The following ASIC2 variants were observed in gnomAD, a reference collection of about 807,000 sequenced individuals.
ASIC2 encodes acid-sensing ion channel 2.
A neutral mutation model predicts 57.3 loss-of-function variants in ASIC2; 25 were observed. The ratio of observed to expected loss-of-function variants is 0.44; its 90% CI spans 0.32 to 0.61. The LOEUF is 0.61. Ranked by LOEUF, ASIC2 falls within the 20% of genes least tolerant of loss-of-function variation. The pLI, the probability that ASIC2 is intolerant of heterozygous loss-of-function variation, is 0.06. For missense variants in ASIC2, 641 were observed against 738.1 expected (o/e 0.87, Z 1.52); for synonymous variants, 319 against 307.5 (o/e 1.04, Z -0.39).
chr17:34,062,087 C>T (rs1276651031), intron 1 of ASIC2, among the ~76,000 whole-genome samples: 3 of 152,146 alleles, frequency 2.0e-5, no homozygotes, highest in African/African-American at 7.2e-5. Context: ...TTCGACAGTG[C>T]ATGGAACTTT....
At chr17:33,799,404 T>TTC (rs1325452286) in intron 1 of ASIC2, among the ~76,000 whole-genome samples, 5 of 15,434 alleles carry the variant, frequency 3.2e-4, no homozygotes, top group Non-Finnish European at 7.6e-4. Flanking sequence ...CTTTCTTTCT[T>TTC]TTCTTTCTTT....
At chr17:33,805,937 C>G (rs899454499) in intron 1 of ASIC2, among the ~76,000 whole-genome samples, 1 of 152,218 alleles carries the variant, frequency 6.6e-6, no homozygotes, top group African/African-American at 2.4e-5. Flanking sequence ...TCCATATACA[C>G]ACACTTGCAC....
At chr17:33,872,565 C>T (rs1270086210) in intron 1 of ASIC2, among the ~76,000 whole-genome samples, 1 of 152,068 alleles carries the variant, frequency 6.6e-6, no homozygotes, top group Non-Finnish European at 1.5e-5. Flanking sequence ...CAGGGGCAGC[C>T]CTTGAGAAAA....
At chr17:33,242,145 C>T (rs565530172) in intron 1 of ASIC2, among the ~76,000 whole-genome samples, 2 of 151,952 alleles carry the variant, frequency 1.3e-5, no homozygotes, top group East Asian at 1.9e-4. Context: ...GGTGAAACCC[C>T]GTCTCTACTA....
intron 1 of ASIC2, among the ~76,000 whole-genome samples, chr17:33,547,711 T>C (rs1003388818): frequency 1.3e-5 from 2 of 152,168 alleles, no homozygotes; most frequent in East Asian, 1.9e-4. Flanking sequence ...TCCTAATTAA[T>C]TGTCCCTGGT....
At chr17:33,623,929 C>CAA (rs1293654773) in intron 1 of ASIC2, among the ~76,000 whole-genome samples, 2 of 152,180 alleles carry the variant, frequency 1.3e-5, no homozygotes, top group African/African-American at 4.8e-5. Flanking sequence ...TCTCTGGTGT[C>CAA]AGACGCAGAC....
intron 1 of ASIC2, among the ~76,000 whole-genome samples, chr17:34,028,402 A>G (rs1269578304): frequency 6.6e-6 from 1 of 152,146 alleles, no homozygotes; most frequent in East Asian, 1.9e-4. Flanking sequence ...GAGAACCTAT[A>G]TTGTCCTAGG....
At chr17:33,964,133 A>AT (rs1476284192) in intron 1 of ASIC2, among the ~76,000 whole-genome samples, 1 of 152,220 alleles carries the variant, frequency 6.6e-6, no homozygotes, top group African/African-American at 2.4e-5. Flanking sequence ...AGGCTTCAGA[A>AT]TCTGTCCCTG....
At chr17:33,839,118 T>C (rs1193955353) in intron 1 of ASIC2, among the ~76,000 whole-genome samples, 1 of 152,244 alleles carries the variant, frequency 6.6e-6, no homozygotes, top group Non-Finnish European at 1.5e-5. Context: ...GCCATCTGAC[T>C]AACTACATGC....
intron 1 of ASIC2, among the ~76,000 whole-genome samples, chr17:33,856,624 T>C (rs1913963142): frequency 1.5e-5 from 1 of 65,462 alleles, no homozygotes; most frequent in African/African-American, 3.8e-5. Flanking sequence ...GCAGGAATTG[T>C]TTCTACACCG....
intron 1 of ASIC2, among the ~76,000 whole-genome samples, chr17:33,888,827 A>C (rs925169203): frequency 7.2e-5 from 11 of 152,154 alleles, no homozygotes; most frequent in African/African-American, 2.4e-4. Flanking sequence ...TAAGGGTGGC[A>C]GGAGAAAAAC....
In ASIC2 at chr17:33,144,917, T is replaced by C. The variant is rs138844309; in HGVS notation, c.709-32850A>G. ...TGAGTCATTGCTCCTTCATTTTCATTGGCCTGGAAGCTCCATGACAATCAA... is the reference window on the plus strand; with the variant it reads ...TGAGTCATTGCTCCTTCATTTTCATCGGCCTGGAAGCTCCATGACAATCAA... On this transcript the variant is annotated intron_variant, in intron 1 of 9. Coordinates refer to ENST00000225823, the MANE Select transcript of ASIC2 (RefSeq NM_183377.2). Among the ~76,000 whole-genome samples the C allele has an allele frequency of 1.1e-3, 161 of 152,326 alleles. 1 individual carries two copies. The highest frequency in any genetic ancestry group is 3.6e-3 in the African/African-American group (150 of 41,590).
At chr17:33,206,686 A>G in intron 1 of ASIC2, among the ~76,000 whole-genome samples, 1 of 151,952 alleles carries the variant, frequency 6.6e-6, no homozygotes, top group Admixed American at 6.6e-5. Context: ...CTGATTGGGG[A>G]AGGGAGGCTC....
intron 1 of ASIC2, among the ~76,000 whole-genome samples, chr17:33,974,189 C>T (rs1905303257): frequency 6.6e-6 from 1 of 152,104 alleles, no homozygotes. Flanking sequence ...GTCTGGCTTG[C>T]AAGTCAGGAG....
intron 1 of ASIC2, among the ~76,000 whole-genome samples, chr17:33,471,147 GTT>G (rs1913038269): frequency 6.6e-6 from 1 of 152,086 alleles, no homozygotes. Flanking sequence ...TTTGGCTCAC[GTT>G]TGTCCTTTAC....
intron 2 of ASIC2, among the ~76,000 whole-genome samples, chr17:33,089,606 C>T (rs755948524): frequency 5.9e-5 from 9 of 152,230 alleles, no homozygotes; most frequent in Non-Finnish European, 8.8e-5. Context: ...CTCCTTGCCT[C>T]AGTTGCCAAA....
At chr17:33,202,716 A>G (rs1906920587) in intron 1 of ASIC2, among the ~76,000 whole-genome samples, 1 of 152,198 alleles carries the variant, frequency 6.6e-6, no homozygotes, top group Non-Finnish European at 1.5e-5. Flanking sequence ...ATTGCAGTTC[A>G]TTGTTATTTT....
chr17:34,010,817 A>G (rs1906690799), intron 1 of ASIC2, among the ~76,000 whole-genome samples: 1 of 151,780 alleles, frequency 6.6e-6, no homozygotes. Flanking sequence ...AGTGGCTACA[A>G]AAACCTAAAC....
intron 1 of ASIC2, among the ~76,000 whole-genome samples, chr17:33,156,579 A>C (rs1395624370): frequency 1.3e-5 from 2 of 151,834 alleles, no homozygotes; most frequent in Non-Finnish European, 2.9e-5. Flanking sequence ...AACATGTTGA[A>C]ACTCTGTCTC....
Sources: gnomAD v4.1 joint callset for allele counts (sites outside exome capture counted in the v4.1 genomes callset) on GRCh38, gnomAD v4.1.1 for gene constraint, MANE v1.5 for transcripts, NCBI Gene and HGNC (gene_info 2026-07-23, HGNC 2026-07-21) for gene names.